The following FBN1 variants were observed in gnomAD, a reference collection of about 807,000 sequenced individuals.
FBN1 encodes the protein fibrillin-1.
FBN1 carries 29 observed loss-of-function variants against 365.1 expected under a neutral mutation model. The observed-to-expected ratio is 0.08, with a 90% CI of 0.06 to 0.11. The LOEUF (loss-of-function observed/expected upper bound fraction) is 0.11, where lower values mean the gene tolerates loss of function less well. FBN1 is among the 10% of genes least tolerant of loss of function. The pLI, the probability that FBN1 is intolerant of heterozygous loss-of-function variation, is 1.00. For missense variants in FBN1, 2,476 were observed against 3,703.2 expected, an observed-to-expected ratio of 0.67 and a Z score of 8.60; for synonymous variants, 1,210 against 1,270.5, an observed-to-expected ratio of 0.95 and a Z score of 1.01.
chr15:48,584,370 A>G (rs1324989725), intron 6 of FBN1, among the ~76,000 whole-genome samples: 1 of 152,230 alleles, frequency 6.6e-6, no homozygotes, highest in Non-Finnish European at 1.5e-5. Flanking sequence ...GGCAATTAGA[A>G]AAACACAACT....
At chr15:48,509,672 T>C (rs2043742450) in intron 14 of FBN1, among the ~76,000 whole-genome samples, 1 of 151,450 alleles carries the variant, frequency 6.6e-6, no homozygotes, top group African/African-American at 2.4e-5. Flanking sequence ...AGCATTTTAT[T>C]ACTAGGCAGA....
At chr15:48,488,692 A>G (rs907916134) in intron 25 of FBN1, among the ~76,000 whole-genome samples, 199 bp from the exon 26 acceptor site, 1 of 152,244 alleles carries the variant, frequency 6.6e-6, no homozygotes. Flanking sequence ...TCTACATTTT[A>G]TAAAGCATTG....
Position 48,526,198 on chromosome 15 carries a change from G to C in FBN1, c.920C>G (p.Thr307Arg). Residue 307 changes from threonine to arginine, a missense_variant, in exon 9 of 66, where the codon ACA (threonine) becomes AGA (arginine). Coordinates refer to ENST00000316623, the MANE Select transcript of FBN1 (RefSeq NM_000138.5). Reference sequence around the variant, plus strand: ...ACATTTGCAAAAGTAACTGCTGACTGTGTTTGTACATTCACCCCCTTCACA... The same window carrying C: ...ACATTTGCAAAAGTAACTGCTGACTCTGTTTGTACATTCACCCCCTTCACA... ...GICEGGECTN[T>R]VSSYFCKCPP... 6.2e-7 allele frequency: 1 copy of C among 1,614,010 alleles called. No individual in the cohort carries two copies. Among genetic ancestry groups the C allele is most frequent in the Non-Finnish European group, 8.5e-7 (1 of 1,179,924 alleles).
At chr15:48,448,025 A>T (rs928949642) in intron 46 of FBN1, among the ~76,000 whole-genome samples, 1 of 152,170 alleles carries the variant, frequency 6.6e-6, no homozygotes, top group Non-Finnish European at 1.5e-5. Context: ...CCCAGTGATG[A>T]GTAGGGCTGT....
At chr15:48,547,121 A>G (rs1413617864) in intron 6 of FBN1, among the ~76,000 whole-genome samples, 1 of 152,182 alleles carries the variant, frequency 6.6e-6, no homozygotes, top group Non-Finnish European at 1.5e-5. Context: ...TAATGTAATT[A>G]TACCCTGACT....
intron 6 of FBN1, among the ~76,000 whole-genome samples, chr15:48,592,809 T>C (rs76692460): frequency 0.017 from 2,581 of 152,182 alleles, 65 homozygotes; most frequent in African/African-American, 0.06. Flanking sequence ...GATGTGACAA[T>C]AGGTAGTGGT....
At chr15:48,567,229 G>A (rs892186704) in intron 6 of FBN1, among the ~76,000 whole-genome samples, 1 of 152,176 alleles carries the variant, frequency 6.6e-6, no homozygotes, top group Non-Finnish European at 1.5e-5. Context: ...ATTTCATGGA[G>A]TAATTTAATA....
chr15:48,485,999 A>G (rs2043503507), intron 29 of FBN1, among the ~76,000 whole-genome samples: 1 of 152,216 alleles, frequency 6.6e-6, no homozygotes, highest in Non-Finnish European at 1.5e-5. Flanking sequence ...TGACATACCT[A>G]CTATATGCTA....
intron 8 of FBN1, among the ~76,000 whole-genome samples, chr15:48,530,181 C>T (rs972432847): frequency 7.9e-5 from 11 of 139,666 alleles, no homozygotes; most frequent in Non-Finnish European, 3.2e-5. Flanking sequence ...GCATCCGCCG[C>T]CTCATCACAA....
chr15:48,583,371 G>A (rs540878567), intron 6 of FBN1, among the ~76,000 whole-genome samples: 1 of 152,208 alleles, frequency 6.6e-6, no homozygotes, highest in African/African-American at 2.4e-5. Context: ...AGTCCTCTGG[G>A]ACTAACACTT....
chr15:48,616,614 G>A (rs1423354556), intron 2 of FBN1, among the ~76,000 whole-genome samples: 1 of 152,138 alleles, frequency 6.6e-6, no homozygotes, highest in Non-Finnish European at 1.5e-5. Context: ...CAAAATGCTT[G>A]TACAAGGAAG....
intron 29 of FBN1, among the ~76,000 whole-genome samples, chr15:48,486,833 C>T (rs1437378984): frequency 6.6e-6 from 1 of 152,128 alleles, no homozygotes; most frequent in Non-Finnish European, 1.5e-5. Context: ...CATCCTATGT[C>T]CTTCACTTAA....
At chr15:48,416,620 G>T (rs2042905367) in intron 63 of FBN1, 1 of 152,184 alleles carries the variant, frequency 6.6e-6, no homozygotes, top group African/African-American at 2.4e-5. Flanking sequence ...CTGATGCTAA[G>T]AAGCAGGAAA....
At chr15:48,486,237 T>C (rs1486925406) in intron 29 of FBN1, among the ~76,000 whole-genome samples, 1 of 152,226 alleles carries the variant, frequency 6.6e-6, no homozygotes, top group Non-Finnish European at 1.5e-5. Flanking sequence ...TTCAGTTTGA[T>C]TGGCTGAGGT....
At chr15:48,582,496 T>G (rs563630012) in intron 6 of FBN1, among the ~76,000 whole-genome samples, 1 of 152,266 alleles carries the variant, frequency 6.6e-6, no homozygotes, top group South Asian at 2.1e-4. Context: ...TAGAAAAAAA[T>G]GACATGACCA....
rs1185930028 is a variant in FBN1, at chr15:48,644,440, G to A, written c.164+166C>T. 3 of 878,706 alleles carry A rather than the reference G, an allele frequency of 3.4e-6. No homozygotes were observed. In the East Asian group the frequency reaches 7.3e-5, roughly 21 times the overall value. The allele number at this position is 878,706 out of a possible 1,614,324, so 54.4% of individuals were successfully genotyped here. A position where few individuals can be genotyped will look rare whatever the true frequency, so the allele number is the denominator to read the frequency against. On this transcript the variant is annotated intron_variant, in intron 2 of 65. Coordinates refer to ENST00000316623, the MANE Select transcript of FBN1 (RefSeq NM_000138.5). Reference sequence around the variant, plus strand: ...CAGAAATCTCTGGGAGTAGGGGCAAGGTAGTTTAACCACGAACGGGGTGGG... The same window carrying A: ...CAGAAATCTCTGGGAGTAGGGGCAAAGTAGTTTAACCACGAACGGGGTGGG...
At chr15:48,463,372 C>A (rs2043295975) in intron 41 of FBN1, 132 bp from the exon 42 acceptor site, 9 of 923,522 alleles carry the variant, frequency 9.7e-6, no homozygotes, top group Admixed American at 1.8e-5. Context: ...GATAAGGACA[C>A]AAAAAACTTG....
At position 48,596,395 on chromosome 15, in the gene FBN1, G is replaced by C; in HGVS notation, c.443-17C>G. 6.2e-7 allele frequency: 1 copy of C among 1,606,832 alleles called. No individual in the cohort carries two copies. Among genetic ancestry groups the C allele is most frequent in the Non-Finnish European group, 8.5e-7 (1 of 1,173,420 alleles). ...CACAAACAGCTGTAAAATAAGGAGA[G>C]AGCTGAGACGCTTTACCTGAAAATA... On this transcript the variant is annotated splice_polypyrimidine_tract_variant and intron_variant, in intron 5 of 65. Coordinates refer to ENST00000316623, the MANE Select transcript of FBN1 (RefSeq NM_000138.5).
intron 31 of FBN1, among the ~76,000 whole-genome samples, chr15:48,482,960 A>G (rs1443960772): frequency 2.0e-5 from 3 of 152,218 alleles, no homozygotes; most frequent in African/African-American, 7.2e-5. Flanking sequence ...TTAAAAGCTT[A>G]AAAGCAAGAC....
Sources: allele counts gnomAD v4.1 joint callset (sites outside exome capture counted in the v4.1 genomes callset), GRCh38; gene constraint gnomAD v4.1.1; transcripts MANE v1.5; gene names NCBI Gene and HGNC (gene_info 2026-07-23, HGNC 2026-07-21).